Variants in ZNF33A observed in about 807,000 individuals in gnomAD.
The protein encoded by ZNF33A is brain my041 protein.
ZNF33A carries 9 observed loss-of-function variants against 15.9 expected under a neutral mutation model. The ratio of observed to expected loss-of-function variants is 0.57; its 90% CI spans 0.34 to 0.99. The LOEUF (loss-of-function observed/expected upper bound fraction) is 0.99. ZNF33A is among the 50% of genes least tolerant of loss of function. ZNF33A has a pLI of 0.02. For missense variants in ZNF33A, 843 were observed against 941.6 expected, an observed-to-expected ratio of 0.90 and a Z score of 1.37; for synonymous variants, 294 against 324.2, an observed-to-expected ratio of 0.91 and a Z score of 1.00.
At chr10:38,064,532 C>A (rs145893800), downstream of ZNF33A, 45 of 167,326 alleles carry the variant, frequency 2.7e-4, no homozygotes, top group African/African-American at 9.5e-4. Flanking sequence ...TTTTAAGTAT[C>A]TATTTGAGCT....
chr10:38,062,707 C>A (rs1396782703), downstream of ZNF33A, among the ~76,000 whole-genome samples: 1 of 151,846 alleles, frequency 6.6e-6, no homozygotes, highest in Admixed American at 6.6e-5. Context: ...GACTCTGTCT[C>A]TTTAAAAAAC....
At chr10:38,060,143 A>G, downstream of ZNF33A, 1 of 911,626 alleles carries the variant, frequency 1.1e-6, no homozygotes, top group Non-Finnish European at 1.3e-6. Flanking sequence ...ATTAGTGAAC[A>G]ATTGAATTGC....
chr10:38,056,259 A>C lies in ZNF33A; in HGVS notation c.2135A>C (p.His712Pro), dbSNP rs1333496713. 6.2e-7 allele frequency: 1 copy of C among 1,614,158 alleles called. No individual in the cohort carries two copies. Among genetic ancestry groups the C allele is most frequent in the South Asian group, 1.1e-5 (1 of 91,090 alleles). The change falls in exon 5 of 5, where the codon CAC (histidine) becomes CCC (proline). Residue 712 changes from histidine (H) to proline (P), a missense_variant. His to Pro is a moderately conservative substitution (Grantham distance 77, BLOSUM62 -2). Coordinates refer to ENST00000432900, the MANE Select transcript of ZNF33A (RefSeq NM_006954.2). ...FRHKSSLTVH[H>P]RAHTGEKSCQ... is the part of the protein sequence containing the mutation. ...CACAAATCATCACTCACAGTACATCACAGGGCTCACACAGGAGAGAAATCT... is the reference window on the plus strand; with the variant it reads ...CACAAATCATCACTCACAGTACATCCCAGGGCTCACACAGGAGAGAAATCT...
At chr10:38,064,105 G>A, downstream of ZNF33A, 2 of 1,597,758 alleles carry the variant, frequency 1.3e-6, no homozygotes, top group Non-Finnish European at 1.7e-6. Flanking sequence ...AGATGCTCAT[G>A]CCCTTGGATT....
chr10:38,027,599 G>T (rs1269766964), intron 4 of ZNF33A, among the ~76,000 whole-genome samples: 1 of 151,220 alleles, frequency 6.6e-6, no homozygotes, highest in Non-Finnish European at 1.5e-5. Flanking sequence ...GATCCACCTT[G>T]GCCTCCCAAA....
chr10:38,037,754 A>G (rs1170498007), intron 4 of ZNF33A, among the ~76,000 whole-genome samples: 1 of 152,230 alleles, frequency 6.6e-6, no homozygotes, highest in East Asian at 1.9e-4. Context: ...CCAGTATCAT[A>G]CCATCTTGAT....
chr10:38,038,420 T>A (rs2135678081), intron 4 of ZNF33A, among the ~76,000 whole-genome samples: 1 of 152,338 alleles, frequency 6.6e-6, no homozygotes, highest in Non-Finnish European at 1.5e-5. Context: ...TTTTAAATTT[T>A]CATTTATGAT....
At position 38,055,554 on chromosome 10, in the gene ZNF33A, C is replaced by A. The variant is rs1367238406; in HGVS notation, c.1430C>A (p.Ser477Tyr). The A allele has an allele frequency of 8.1e-6, 13 of 1,613,878 alleles. No homozygotes were observed. Among genetic ancestry groups the A allele is most frequent in the Non-Finnish European group, 2.5e-6 (3 of 1,180,000 alleles). ...KPFECLECGK[S>Y]FSEKSNLTQH... ...TTTGAATGTCTTGAGTGTGGGAAAT[C>A]CTTTAGTGAAAAGTCAAATCTTACA... Residue 477 changes from serine (S) to tyrosine (Y), a missense_variant, in exon 5 of 5, where the codon TCC becomes TAC. Physicochemically the swap from Ser to Tyr is moderately radical, Grantham distance 144. Coordinates refer to ENST00000432900, the MANE Select transcript of ZNF33A (RefSeq NM_006954.2).
At chr10:38,021,960 C>G (rs1018702839) in intron 4 of ZNF33A, among the ~76,000 whole-genome samples, 1 of 152,150 alleles carries the variant, frequency 6.6e-6, no homozygotes, top group Middle Eastern at 3.4e-3. Flanking sequence ...GAGACCATAC[C>G]GTATCAATAT....
chr10:38,026,320 GTAGATAGA>G (rs77902794), intron 4 of ZNF33A, among the ~76,000 whole-genome samples: 24 of 151,644 alleles, frequency 1.6e-4, no homozygotes, highest in Non-Finnish European at 2.8e-4. Context: ...TTTTTAATGT[GTAGATAGA>G]TAGATAGATA....
chr10:38,022,377 C>T (rs570452331), intron 4 of ZNF33A, among the ~76,000 whole-genome samples: 1 of 152,134 alleles, frequency 6.6e-6, no homozygotes, highest in Non-Finnish European at 1.5e-5. Context: ...ACAACATAGG[C>T]CAGGTGTGGT....
Position 38,057,849 on chromosome 10 carries a change from T to A in ZNF33A, c.*1289T>A. Reference sequence around the variant, plus strand: ...AAGGCCCACACATACAGCCCAGGGCTGCCCAGGGCTGTTGGACTGTCATTT... The same window carrying A: ...AAGGCCCACACATACAGCCCAGGGCAGCCCAGGGCTGTTGGACTGTCATTT... On this transcript the variant is annotated 3_prime_UTR_variant, in exon 5 of 5. Transcript: ENST00000432900. 1.0e-6 allele frequency: 1 copy of A among 985,324 alleles called. No individual in the cohort carries two copies. Among genetic ancestry groups the A allele is most frequent in the Non-Finnish European group, 1.2e-6 (1 of 829,872 alleles). The allele number at this position is 985,324 out of a possible 1,614,324, so 61.0% of individuals were successfully genotyped here. A position where few individuals can be genotyped will look rare whatever the true frequency, so the allele number is the denominator to read the frequency against.
rs200965930 is a variant in ZNF33A at position 38,054,808 on chromosome 10, C to T, written c.684C>T (p.Leu228=). ...AATACAGTATATGTCAGGAAACCCT[C>T]CTTGAAAAGGCAGTATTCAATACAC... ...NFEYSICQET[L]LEKAVFNTQK... Residue 228 remains leucine, a synonymous_variant, in exon 5 of 5, where the codon CTC becomes CTT. Coordinates refer to ENST00000432900, the MANE Select transcript of ZNF33A (RefSeq NM_006954.2). 4.8e-5 allele frequency: 78 copies of T among 1,613,362 alleles called. No individual in the cohort carries two copies. Among genetic ancestry groups the T allele is most frequent in the Non-Finnish European group, 6.6e-5 (78 of 1,179,958 alleles).
At chr10:38,051,648 CT>C (rs11326497) in intron 4 of ZNF33A, among the ~76,000 whole-genome samples, 113,447 of 151,808 alleles carry the variant, frequency 0.75, 43,608 homozygotes, top group African/African-American at 0.94. Flanking sequence ...TGCAACAAAA[CT>C]TTTTTTGTGA....
At chr10:38,042,824 A>T (rs1330680622) in intron 4 of ZNF33A, among the ~76,000 whole-genome samples, 1 of 152,192 alleles carries the variant, frequency 6.6e-6, no homozygotes, top group East Asian at 1.9e-4. Flanking sequence ...AAGTGTTGGG[A>T]TTACTGGCAT....
chr10:38,020,316 T>C (rs902659411), intron 4 of ZNF33A, among the ~76,000 whole-genome samples: 4 of 152,216 alleles, frequency 2.6e-5, no homozygotes, highest in African/African-American at 4.8e-5. Flanking sequence ...AATAATCACA[T>C]TTACCCTAAT....
chr10:38,036,176 A>G (rs1373584327), intron 4 of ZNF33A, among the ~76,000 whole-genome samples: 4 of 152,212 alleles, frequency 2.6e-5, no homozygotes, highest in Non-Finnish European at 1.5e-5. Context: ...ACGTTGGCTT[A>G]TGCTTGTAAT....
At position 38,058,655 on chromosome 10, in the gene ZNF33A, A is replaced by C. The variant is rs2135786447; in HGVS notation, c.*2095A>C. ...GCATGGTGGCATGCGTGTGTAGTCGAAGCTACTCAGGAGGCTGAGGCAGAA... is the reference window on the plus strand; with the variant it reads ...GCATGGTGGCATGCGTGTGTAGTCGCAGCTACTCAGGAGGCTGAGGCAGAA... On this transcript the variant is annotated 3_prime_UTR_variant, in exon 5 of 5. Coordinates refer to ENST00000432900, the MANE Select transcript of ZNF33A (RefSeq NM_006954.2). 6.6e-6 allele frequency: 1 copy of C among 152,276 alleles called. No homozygotes were observed. The highest frequency in any genetic ancestry group is 2.1e-4 in the South Asian group (1 of 4,820). The allele number at this position is 152,276 out of a possible 1,614,324, so 9.4% of individuals were successfully genotyped here.
chr10:38,050,535 C>T (rs753889142), intron 4 of ZNF33A, among the ~76,000 whole-genome samples: 1 of 152,188 alleles, frequency 6.6e-6, no homozygotes, highest in Non-Finnish European at 1.5e-5. Context: ...GGACACTGGA[C>T]TATGTGTGCA....
Sources: allele counts gnomAD v4.1 joint callset (sites outside exome capture counted in the v4.1 genomes callset), GRCh38; gene constraint gnomAD v4.1.1; transcripts MANE v1.5; gene names NCBI Gene and HGNC (gene_info 2026-07-23, HGNC 2026-07-21).